The following CHRNA5 variants were observed in gnomAD, a reference collection of about 807,000 sequenced individuals.
CHRNA5 encodes cholinergic receptor nicotinic alpha 5 subunit, also known as neuronal acetylcholine receptor subunit alpha-5.
Under a neutral mutation model 41.2 loss-of-function variants are expected in CHRNA5, and 28 were observed. The observed-to-expected ratio is 0.68, with a 90% CI of 0.50 to 0.93. CHRNA5 has a LOEUF of 0.93. CHRNA5 is among the 40% of genes least tolerant of loss of function. CHRNA5 has a pLI of 0.00. For missense variants in CHRNA5, 481 were observed against 581.9 expected, an observed-to-expected ratio of 0.83 and a Z score of 1.78; for synonymous variants, 188 against 205.8, an observed-to-expected ratio of 0.91 and a Z score of 0.74.
intron 1 of CHRNA5, among the ~76,000 whole-genome samples, chr15:78,576,141 GTTT>G (rs200478893): frequency 1.5e-4 from 23 of 151,644 alleles, no homozygotes; most frequent in African/African-American, 4.6e-4. Context: ...TTGTTTGTTT[GTTT>G]TTTTTTTTGT....
chr15:78,592,872 GTGT>G (rs2053033443), intron 5 of CHRNA5, among the ~76,000 whole-genome samples: 1 of 152,088 alleles, frequency 6.6e-6, no homozygotes, highest in Admixed American at 6.6e-5. Flanking sequence ...ATAAGTTGAT[GTGT>G]AAATGAACAT....
intron 1 of CHRNA5, among the ~76,000 whole-genome samples, chr15:78,567,061 G>T (rs939526728): frequency 2.6e-5 from 4 of 151,914 alleles, no homozygotes; most frequent in Admixed American, 2.6e-4. Context: ...GACCATCCTG[G>T]CTAACACAGT....
At chr15:78,582,580 A>G (rs1399188148) in intron 2 of CHRNA5, among the ~76,000 whole-genome samples, 3 of 152,102 alleles carry the variant, frequency 2.0e-5, no homozygotes, top group Admixed American at 2.0e-4. Context: ...ATGGTGTAGA[A>G]AACTGTAGCA....
chr15:78,579,522 G>C (rs1214551638), intron 1 of CHRNA5, among the ~76,000 whole-genome samples: 1 of 152,124 alleles, frequency 6.6e-6, no homozygotes, highest in Non-Finnish European at 1.5e-5. Flanking sequence ...CCAAAGTGCT[G>C]GGATTACAGA....
chr15:78,583,752 GA>G (rs1358551585), intron 2 of CHRNA5, among the ~76,000 whole-genome samples: 1 of 152,058 alleles, frequency 6.6e-6, no homozygotes, highest in Admixed American at 6.6e-5. Context: ...CAGAGAAGAT[GA>G]TGAGTTTGAT....
chr15:78,574,433 AG>A (rs1435406611), intron 1 of CHRNA5, among the ~76,000 whole-genome samples: 9 of 151,218 alleles, frequency 6.0e-5, no homozygotes, highest in Middle Eastern at 3.2e-3. Flanking sequence ...TACTATATTT[AG>A]TGAAGAAGGT....
chr15:78,573,786 C>A (rs1210126861), intron 1 of CHRNA5, among the ~76,000 whole-genome samples: 2 of 149,688 alleles, frequency 1.3e-5, no homozygotes, highest in East Asian at 3.9e-4. Context: ...ATCAAATGTT[C>A]CTAGAATTTT....
intron 1 of CHRNA5, among the ~76,000 whole-genome samples, chr15:78,569,917 T>G (rs548785174): frequency 8.6e-5 from 13 of 151,722 alleles, no homozygotes; most frequent in African/African-American, 2.9e-4. Context: ...GCCTCTGGGT[T>G]CAAGTGATTC....
At chr15:78,595,256 A>C (rs1204498738) in exon 6 of CHRNA5, 9 of 980,414 alleles carry the variant, frequency 9.2e-6, no homozygotes, top group Non-Finnish European at 9.7e-6. Context: ...TTTATATATA[A>C]ATTTTTATCG....
chr15:78,594,084 T>G (rs901642723), exon 6 of CHRNA5: 1 of 152,194 alleles, frequency 6.6e-6, no homozygotes, highest in Non-Finnish European at 1.5e-5. Flanking sequence ...TGCTTTTCCA[T>G]AACCAACATT....
In CHRNA5 at chr15:78,572,384, T is replaced by A. The variant is rs479385; in HGVS notation, c.106+6559T>A. On this transcript the variant is annotated intron_variant, in intron 1 of 5. Coordinates refer to ENST00000299565, the Ensembl canonical transcript of CHRNA5. ...ATCAGTGGTGAAAACTTAAATAAAGTCTAATGCACTCATAATGATCACTTT... is the reference window on the plus strand; with the variant it reads ...ATCAGTGGTGAAAACTTAAATAAAGACTAATGCACTCATAATGATCACTTT... Among the ~76,000 whole-genome samples the A allele has an allele frequency of 9.6e-3, 1,463 of 152,310 alleles. 26 individuals carry two copies. The highest frequency in any genetic ancestry group is 0.032 in the African/African-American group (1,339 of 41,564).
At chr15:78,577,110 G>T (rs1208330121) in intron 1 of CHRNA5, among the ~76,000 whole-genome samples, 1 of 152,188 alleles carries the variant, frequency 6.6e-6, no homozygotes, top group Non-Finnish European at 1.5e-5. Flanking sequence ...GCTATCGGGG[G>T]TGTGGCATTC....
chr15:78,582,150 A>C (rs11633585), intron 2 of CHRNA5, among the ~76,000 whole-genome samples: 4,886 of 152,216 alleles, frequency 0.032, 111 homozygotes, highest in Non-Finnish European at 0.051. Flanking sequence ...GCCCTTAGCT[A>C]GTCAATATGG....
chr15:78,586,037 G>C (rs1271181515), intron 2 of CHRNA5, among the ~76,000 whole-genome samples: 1 of 151,662 alleles, frequency 6.6e-6, no homozygotes, highest in Non-Finnish European at 1.5e-5. Flanking sequence ...CAAGTGATCT[G>C]CCCACCTTGG....
In CHRNA5 at chr15:78,569,588, C is replaced by G. The variant is rs2141395684; in HGVS notation, c.106+3763C>G. ...AGCTGGGACTACAGGCACCCGCCAC[C>G]ACGCCTGGCTAATTTTTTGTATTTT... On this transcript the variant is annotated intron_variant, in intron 1 of 5. Transcript: ENST00000299565. 1.3e-5 allele frequency among the ~76,000 whole-genome samples: 2 copies of G among 151,936 alleles called. 1 individual carries two copies. The highest frequency in any genetic ancestry group is 4.2e-4 in the South Asian group (2 of 4,806).
At chr15:78,585,791 C>CTTTTTTTTTTTTTTTT (rs752254237) in intron 2 of CHRNA5, among the ~76,000 whole-genome samples, 15 of 130,604 alleles carry the variant, frequency 1.1e-4, no homozygotes, top group African/African-American at 1.7e-4. Flanking sequence ...TCTTTTCTTT[C>CTTTTTTTTTTTTTTTT]TTTTTTTTTT....
At chr15:78,578,053 A>T (rs1028338085) in intron 1 of CHRNA5, among the ~76,000 whole-genome samples, 1 of 152,186 alleles carries the variant, frequency 6.6e-6, no homozygotes, top group Admixed American at 6.6e-5. Context: ...TTTTAACTTG[A>T]AGCTCTAAAA....
intron 1 of CHRNA5, among the ~76,000 whole-genome samples, chr15:78,575,754 T>G (rs12324731): frequency 0.012 from 1,756 of 152,334 alleles, 31 homozygotes; most frequent in African/African-American, 0.039. Context: ...AGGGAGGTAC[T>G]TTTTTAATAC....
chr15:78,569,672 AC>A (rs2052782341), intron 1 of CHRNA5, among the ~76,000 whole-genome samples: 1 of 151,524 alleles, frequency 6.6e-6, no homozygotes, highest in Non-Finnish European at 1.5e-5. Context: ...TGACCTCATG[AC>A]CCGCCCGCCT....
Sources: gnomAD v4.1 joint callset for allele counts (sites outside exome capture counted in the v4.1 genomes callset) on GRCh38, gnomAD v4.1.1 for gene constraint, MANE v1.5 for transcripts, NCBI Gene and HGNC (gene_info 2026-07-23, HGNC 2026-07-21) for gene names.